C12orf56: variants seen among roughly 807,000 people sequenced by gnomAD.
C12orf56 encodes the protein uncharacterized protein C12orf56.
A neutral mutation model predicts 69.9 loss-of-function variants in C12orf56; 71 were observed. That is an observed-to-expected ratio of 1.02 (90% CI 0.84 to 1.24). The LOEUF (loss-of-function observed/expected upper bound fraction) is 1.24. Among genes scored for constraint, C12orf56 ranks in the 50% most tolerant of loss-of-function variants. The probability of loss-of-function intolerance (pLI) is 0.00; values close to 1 mark genes in which losing one functional copy is unlikely to be tolerated. For missense variants in C12orf56, 732 were observed against 738.5 expected (o/e 0.99, Z 0.10); for synonymous variants, 276 against 274.1 (o/e 1.01, Z -0.07).
chr12:64,352,856 T>C, intron 2 of C12orf56, 38 bp downstream of exon 2: 1 of 1,534,142 alleles, frequency 6.5e-7, no homozygotes. Context: ...ATACTTTTTT[T>C]TTTGCCTTAG....
At chr12:64,328,301 A>G (rs2136858286) in intron 3 of C12orf56, among the ~76,000 whole-genome samples, 1 of 152,030 alleles carries the variant, frequency 6.6e-6, no homozygotes, top group East Asian at 1.9e-4. Flanking sequence ...AATTTTCCCT[A>G]TGCCTCTATA....
chr12:64,321,488 T>C (rs2038772355), intron 3 of C12orf56, among the ~76,000 whole-genome samples: 1 of 152,002 alleles, frequency 6.6e-6, no homozygotes, highest in Non-Finnish European at 1.5e-5. Context: ...AATCTCTCTT[T>C]TATTTTTACA....
At chr12:64,270,285 C>G (rs2136740717) in intron 12 of C12orf56, among the ~76,000 whole-genome samples, 1 of 152,066 alleles carries the variant, frequency 6.6e-6, no homozygotes, top group Non-Finnish European at 1.5e-5. Context: ...CCTGTAATCC[C>G]AACTACTCAG....
intron 5 of C12orf56, among the ~76,000 whole-genome samples, chr12:64,307,251 A>T (rs1355122125): frequency 6.6e-6 from 1 of 152,122 alleles, no homozygotes; most frequent in African/African-American, 2.4e-5. Context: ...ATATTATGTC[A>T]CTTAATTCTT....
chr12:64,371,512 G>A (rs917171365), intron 1 of C12orf56, among the ~76,000 whole-genome samples: 12 of 151,996 alleles, frequency 7.9e-5, no homozygotes, highest in Non-Finnish European at 1.8e-4. Flanking sequence ...GTTAAGAACT[G>A]AAATTGTAAA....
chr12:64,380,100 G>A (rs1419722472), intron 1 of C12orf56, among the ~76,000 whole-genome samples: 4 of 77,876 alleles, frequency 5.1e-5, no homozygotes, highest in Non-Finnish European at 8.3e-5. Flanking sequence ...GCAAGACTCC[G>A]TCGCAAAAAA....
At position 64,265,520 on chromosome 12, in the gene C12orf56, T is replaced by A. The variant is rs886068410; in HGVS notation, c.*1663A>T. On this transcript the variant is annotated 3_prime_UTR_variant, in exon 13 of 13. Transcript: ENST00000543942. ...GAGAATGTAAGAGCTGGAAGAGAAC[T>A]TGGAGAACATCTAGTCCCACCCTTC... 6.6e-6 allele frequency: 1 copy of A among 152,220 alleles called. No individual in the cohort carries two copies. The highest frequency in any genetic ancestry group is 2.4e-5 in the African/African-American group (1 of 41,452). 9.4% of individuals were successfully genotyped at this position (152,220 alleles called of 1,614,324 possible).
intron 3 of C12orf56, among the ~76,000 whole-genome samples, chr12:64,324,507 A>G (rs1256133433): frequency 6.6e-6 from 1 of 152,172 alleles, no homozygotes; most frequent in Non-Finnish European, 1.5e-5. Flanking sequence ...GTGAAAAGCA[A>G]TGTTAAGAGG....
intron 1 of C12orf56, among the ~76,000 whole-genome samples, chr12:64,367,507 T>C (rs2039513422): frequency 6.6e-6 from 1 of 150,934 alleles, no homozygotes; most frequent in African/African-American, 2.4e-5. Flanking sequence ...TAAGGAGAGA[T>C]ACTCTTTTTT....
At chr12:64,293,073 G>T (rs550909939) in intron 6 of C12orf56, among the ~76,000 whole-genome samples, 179 of 152,198 alleles carry the variant, frequency 1.2e-3, no homozygotes, top group African/African-American at 4.1e-3. Context: ...TTTTTAAGCC[G>T]GTCTGAAAAG....
At chr12:64,300,008 T>G (rs2038423437) in intron 6 of C12orf56, among the ~76,000 whole-genome samples, 1 of 152,104 alleles carries the variant, frequency 6.6e-6, no homozygotes, top group South Asian at 2.1e-4. Context: ...ACAATGCAGA[T>G]TATAAAACTT....
intron 1 of C12orf56, among the ~76,000 whole-genome samples, chr12:64,372,926 C>G (rs1484097023): frequency 6.6e-6 from 1 of 152,184 alleles, no homozygotes; most frequent in Non-Finnish European, 1.5e-5. Context: ...CTAGAAACTT[C>G]TAATCATTCT....
chr12:64,294,261 G>T (rs186897931), intron 6 of C12orf56, among the ~76,000 whole-genome samples: 33 of 152,134 alleles, frequency 2.2e-4, no homozygotes, highest in African/African-American at 7.2e-4. Context: ...CACAGACACT[G>T]GAAACCAGTA....
intron 1 of C12orf56, among the ~76,000 whole-genome samples, chr12:64,362,076 G>A (rs762208278): frequency 2.0e-5 from 3 of 151,856 alleles, no homozygotes; most frequent in Non-Finnish European, 2.9e-5. Context: ...TTATGGACTC[G>A]CCTCGAATTC....
intron 9 of C12orf56, among the ~76,000 whole-genome samples, chr12:64,277,051 C>G (rs1281717065): frequency 9.1e-6 from 1 of 110,406 alleles, no homozygotes; most frequent in Non-Finnish European, 1.9e-5. Context: ...TTTTCTAAAA[C>G]ATAATTCTGA....
intron 9 of C12orf56, among the ~76,000 whole-genome samples, chr12:64,277,111 C>T (rs2038062096): frequency 6.7e-6 from 1 of 149,016 alleles, no homozygotes; most frequent in Non-Finnish European, 1.5e-5. Flanking sequence ...AAAAAAAAGT[C>T]TGTTAACCTG....
chr12:64,335,920 A>G (rs753515456), intron 2 of C12orf56, among the ~76,000 whole-genome samples: 2 of 152,130 alleles, frequency 1.3e-5, no homozygotes, highest in Non-Finnish European at 2.9e-5. Flanking sequence ...CCTAATAATT[A>G]CCTTTATTTA....
intron 1 of C12orf56, among the ~76,000 whole-genome samples, chr12:64,367,153 T>C (rs180744658): frequency 2.0e-5 from 1 of 49,850 alleles, no homozygotes; most frequent in African/African-American, 6.0e-5. Flanking sequence ...ACACTTTATA[T>C]ATTATATATA....
chr12:64,277,654 G>A (rs1367962294), intron 9 of C12orf56, 26 bp downstream of exon 9: 1 of 1,330,200 alleles, frequency 7.5e-7, no homozygotes, highest in Non-Finnish European at 9.9e-7. Context: ...ATATATAATA[G>A]TTTACCCCCC....
Sources: allele counts gnomAD v4.1 joint callset (sites outside exome capture counted in the v4.1 genomes callset), GRCh38; gene constraint gnomAD v4.1.1; transcripts MANE v1.5; gene names NCBI Gene and HGNC (gene_info 2026-07-23, HGNC 2026-07-21).